RBFOX1: variants seen among roughly 807,000 people sequenced by gnomAD.
RBFOX1 encodes the protein RNA binding fox-1 homolog 1, also known as RNA binding protein fox-1 homolog 1.
In RBFOX1, 8 loss-of-function variants were observed where a neutral mutation model predicts 57.7. That is an observed-to-expected ratio of 0.14 (90% CI 0.08 to 0.25). The LOEUF (loss-of-function observed/expected upper bound fraction) is 0.25. RBFOX1 is among the 10% of genes least tolerant of loss of function. The probability of loss-of-function intolerance (pLI) is 1.00; values close to 1 mark genes in which losing one functional copy is unlikely to be tolerated. For missense variants in RBFOX1, 611 were observed against 548.5 expected (o/e 1.11, Z -1.14); for synonymous variants, 326 against 222.4 (o/e 1.47, Z -4.15).
chr16:5,248,595 G>T lies in RBFOX1; in HGVS notation c.219+8490G>T, dbSNP rs115493831. Among the ~76,000 whole-genome samples the T allele has an allele frequency of 4.6e-5, 7 of 152,304 alleles. No individual in the cohort carries two copies. In the South Asian group the frequency reaches 1.5e-3, roughly 32 times the overall value. On this transcript the variant is annotated intron_variant, in intron 1 of 2. Coordinates refer to the RBFOX1 transcript ENST00000585867. ...GAGCCCCGGGGCAGGAGCCAGGGCC[G>T]TGGAGCGCTTGGGGGGTGGTCTGAG...
chr16:6,855,702 C>T (rs79759007), intron 3 of RBFOX1, among the ~76,000 whole-genome samples: 11 of 151,588 alleles, frequency 7.3e-5, no homozygotes, highest in East Asian at 2.0e-4. Flanking sequence ...TCTCAGCGAT[C>T]GAAACCTTGA....
intron 4 of RBFOX1, among the ~76,000 whole-genome samples, chr16:7,154,022 T>C (rs1420383458): frequency 6.6e-6 from 1 of 152,214 alleles, no homozygotes; most frequent in African/African-American, 2.4e-5. Flanking sequence ...ATCATCATTA[T>C]CATAGTTGTT....
intron 3 of RBFOX1, among the ~76,000 whole-genome samples, chr16:6,858,794 T>A (rs185149342): frequency 6.6e-6 from 1 of 151,962 alleles, no homozygotes; most frequent in Non-Finnish European, 1.5e-5. Context: ...ACCCAGAAAT[T>A]AGAGCAGTGG....
chr16:5,401,764 T>TC (rs2066720222), intron 1 of RBFOX1, among the ~76,000 whole-genome samples: 101 of 103,492 alleles, frequency 9.8e-4, no homozygotes, highest in African/African-American at 1.4e-3. Context: ...TCCCTGTCTC[T>TC]CTCCTCCTCC....
At position 7,189,554 on chromosome 16, in the gene RBFOX1, A is replaced by AACACACACACACACACACAC. The variant is rs779531861; in HGVS notation, c.27+137470_27+137489dup. Among the ~76,000 whole-genome samples, 3 of 135,810 alleles carry AACACACACACACACACACAC rather than the reference A, an allele frequency of 2.2e-5. No individual in the cohort carries two copies. In the East Asian group the frequency reaches 7.2e-4, roughly 33 times the overall value. The allele number at this position is 135,810 out of a possible 152,430, so 89.1% of individuals were successfully genotyped here. On this transcript the variant is annotated intron_variant, in intron 4 of 15. Transcript: ENST00000550418. ...CACTCCAAAACACTATGTCCCCCAA[A>AACACACACACACACACACAC]ACACACACACACACACACACACACA...
chr16:7,275,493 C>G (rs565005678), intron 4 of RBFOX1, among the ~76,000 whole-genome samples: 20 of 152,108 alleles, frequency 1.3e-4, no homozygotes, highest in Non-Finnish European at 2.4e-4. Flanking sequence ...TTTTGACATG[C>G]CTGCATATAT....
intron 14 of RBFOX1, among the ~76,000 whole-genome samples, chr16:7,693,090 C>A (rs559067853): frequency 6.6e-6 from 1 of 152,082 alleles, no homozygotes; most frequent in Non-Finnish European, 1.5e-5. Flanking sequence ...TTTGGTGCAA[C>A]AGCTTGTACA....
At chr16:6,996,789 A>G (rs2092290935) in intron 3 of RBFOX1, among the ~76,000 whole-genome samples, 1 of 152,086 alleles carries the variant, frequency 6.6e-6, no homozygotes, top group Admixed American at 6.6e-5. Context: ...TTTTTTACTC[A>G]TTTGATTTTT....
chr16:7,650,039 G>C (rs975455846), intron 11 of RBFOX1, among the ~76,000 whole-genome samples: 2 of 103,330 alleles, frequency 1.9e-5, no homozygotes, highest in Non-Finnish European at 4.4e-5. Flanking sequence ...AGGGAGGGAA[G>C]GACAGGAGGG....
chr16:7,193,990 T>A (rs1413273677), intron 4 of RBFOX1, among the ~76,000 whole-genome samples: 1 of 152,074 alleles, frequency 6.6e-6, no homozygotes, highest in Non-Finnish European at 1.5e-5. Context: ...AAATAGTCTT[T>A]CCCAAGTATA....
chr16:7,166,561 G>C (rs928326287), intron 4 of RBFOX1, among the ~76,000 whole-genome samples: 1 of 152,164 alleles, frequency 6.6e-6, no homozygotes, highest in African/African-American at 2.4e-5. Flanking sequence ...CCAGAGCATG[G>C]TTAAGGACAG....
At position 6,767,952 on chromosome 16, in the gene RBFOX1, A is replaced by ATAATAATAATAAT. The variant is rs1567165850; in HGVS notation, c.-16+113302_-16+113303insTAATAATAATAAT. ...AATAATAATAATAATAATAATAAGA[A>ATAATAATAATAAT]GAAGAAGAAGAAGAAGAAGAAGAAG... On this transcript the variant is annotated intron_variant, in intron 3 of 15. Coordinates refer to ENST00000550418, the MANE Select transcript of RBFOX1 (RefSeq NM_018723.4). 4.1e-3 allele frequency among the ~76,000 whole-genome samples: 403 copies of ATAATAATAATAAT among 97,814 alleles called. 5 individuals carry two copies. The highest frequency in any genetic ancestry group is 0.015 in the African/African-American group (346 of 22,334). 64.2% of individuals were successfully genotyped at this position (97,814 alleles called of 152,430 possible).
In RBFOX1 at chr16:6,251,645, A is replaced by G. The variant is rs916229597; in HGVS notation, c.-126-65350A>G. On this transcript the variant is annotated intron_variant, in intron 1 of 15. Transcript: ENST00000550418. ...AATGAGAATAGCAATGCCAGCTAAA[A>G]CTCTGCTCGAAGCACAGAGTTTGGT... 2.0e-5 allele frequency among the ~76,000 whole-genome samples: 3 copies of G among 152,024 alleles called. No homozygotes were observed. In the East Asian group the frequency reaches 5.8e-4, roughly 29 times the overall value.
chr16:5,995,120 A>G (rs1338617961), intron 4 of RBFOX1, among the ~76,000 whole-genome samples: 3 of 152,222 alleles, frequency 2.0e-5, no homozygotes, highest in Non-Finnish European at 4.4e-5. Context: ...ACCTTACACT[A>G]TAACCTGCTT....
chr16:6,495,894 A>T (rs1050817647), intron 2 of RBFOX1, among the ~76,000 whole-genome samples: 1 of 152,208 alleles, frequency 6.6e-6, no homozygotes, highest in East Asian at 1.9e-4. Context: ...GTAACAGAAT[A>T]TTGTTTGGCT....
intron 4 of RBFOX1, among the ~76,000 whole-genome samples, chr16:7,499,682 G>A (rs1015457433): frequency 7.9e-5 from 12 of 152,126 alleles, no homozygotes; most frequent in African/African-American, 2.9e-4. Flanking sequence ...TGGGTAGTTA[G>A]ACTATGCAAA....
At chr16:6,734,426 C>T (rs79301092) in intron 3 of RBFOX1, among the ~76,000 whole-genome samples, 19 of 152,154 alleles carry the variant, frequency 1.2e-4, no homozygotes, top group African/African-American at 2.2e-4. Context: ...ATTTCCTTTA[C>T]GTGGATTATC....
intron 1 of RBFOX1, among the ~76,000 whole-genome samples, chr16:5,380,421 G>T (rs1378068417): frequency 2.0e-5 from 3 of 152,190 alleles, no homozygotes; most frequent in African/African-American, 7.2e-5. Flanking sequence ...TCTAAAGCAA[G>T]CAAGTTGGAA....
chr16:5,759,446 A>G (rs1039599965), intron 3 of RBFOX1, among the ~76,000 whole-genome samples: 3 of 152,224 alleles, frequency 2.0e-5, no homozygotes, highest in Non-Finnish European at 2.9e-5. Context: ...GTGTTGACAC[A>G]TTGACAGAAA....
Sources: allele counts gnomAD v4.1 joint callset (sites outside exome capture counted in the v4.1 genomes callset), GRCh38; gene constraint gnomAD v4.1.1; transcripts MANE v1.5; gene names NCBI Gene and HGNC (gene_info 2026-07-23, HGNC 2026-07-21).